SRGAP2C: variants seen among roughly 807,000 people sequenced by gnomAD.
The protein encoded by SRGAP2C is SLIT-ROBO Rho GTPase-activating protein 2C.
In SRGAP2C, 15 loss-of-function variants were observed where a neutral mutation model predicts 25.1. The ratio of observed to expected loss-of-function variants is 0.60; its 90% CI spans 0.40 to 0.92. The LOEUF is 0.92. Among genes scored for constraint, SRGAP2C ranks in the 40% least tolerant of loss-of-function variants. The probability of loss-of-function intolerance (pLI) is 0.00; values close to 1 mark genes in which losing one functional copy is unlikely to be tolerated. For missense variants in SRGAP2C, 144 were observed against 264.4 expected (o/e 0.54, Z 3.16); for synonymous variants, 44 against 96.6 (o/e 0.46, Z 3.19).
chr1:121,269,891 G>A lies in SRGAP2C; in HGVS notation c.68-14912G>A, dbSNP rs587733375. 6.1e-3 allele frequency among the ~76,000 whole-genome samples: 922 copies of A among 150,604 alleles called. 10 individuals carry two copies. Among genetic ancestry groups the A allele is most frequent in the African/African-American group, 0.021 (864 of 41,100 alleles). The stretch of plus-strand genomic sequence containing the variant: ...ATTGTCTGGAAGAATTAGGTAATTC[G>A]TGTTTTTAAACTTCCTTGCACTACT... On this transcript the variant is annotated intron_variant, in intron 2 of 9. Coordinates refer to ENST00000367123, the MANE Select transcript of SRGAP2C (RefSeq NM_001329984.2).
intron 2 of SRGAP2C, among the ~76,000 whole-genome samples, chr1:121,218,842 C>A (rs1655462289): frequency 6.6e-6 from 1 of 151,682 alleles, no homozygotes; most frequent in Non-Finnish European, 1.5e-5. Flanking sequence ...AAGTAGAGTT[C>A]AGTTGACTTT....
chr1:121,272,160 CAAAA>C (rs61711288), intron 2 of SRGAP2C, among the ~76,000 whole-genome samples: 1 of 9,194 alleles, frequency 1.1e-4, no homozygotes, highest in African/African-American at 5.2e-4. Context: ...GACTCCATCT[CAAAA>C]AAAAAAAAAA....
chr1:121,282,700 A>C (rs1476305628), intron 2 of SRGAP2C, among the ~76,000 whole-genome samples: 1 of 144,922 alleles, frequency 6.9e-6, no homozygotes, highest in African/African-American at 2.5e-5. Flanking sequence ...GACCACAGGC[A>C]CCTGCCACCA....
At chr1:121,377,948 G>T (rs1278094189) in intron 7 of SRGAP2C, among the ~76,000 whole-genome samples, 2 of 152,050 alleles carry the variant, frequency 1.3e-5, no homozygotes, top group African/African-American at 4.8e-5. Context: ...CTATGGGGAA[G>T]TGTGTGACAA....
intron 2 of SRGAP2C, among the ~76,000 whole-genome samples, chr1:121,212,128 T>C (rs1553323896): frequency 8.7e-6 from 1 of 115,236 alleles, no homozygotes; most frequent in East Asian, 2.8e-4. Context: ...GCTGTATTTT[T>C]TTTTTTTTTT....
At chr1:121,188,521 C>G (rs1182417680) in intron 2 of SRGAP2C, among the ~76,000 whole-genome samples, 1 of 146,526 alleles carries the variant, frequency 6.8e-6, no homozygotes, top group Non-Finnish European at 1.5e-5. Flanking sequence ...CCATTGAGAC[C>G]TTAGCTGGGG....
At chr1:121,379,466 A>C (rs1659758826) in intron 7 of SRGAP2C, among the ~76,000 whole-genome samples, 1 of 148,700 alleles carries the variant, frequency 6.7e-6, no homozygotes, top group Admixed American at 6.7e-5. Context: ...CTTTGTCCCC[A>C]CTGTGAGCAA....
intron 2 of SRGAP2C, among the ~76,000 whole-genome samples, chr1:121,263,452 T>C (rs1570746855): frequency 1.6e-5 from 2 of 128,630 alleles, no homozygotes; most frequent in Non-Finnish European, 3.5e-5. Context: ...AAAAAAAAAC[T>C]TCAGTGCTTT....
intron 4 of SRGAP2C, among the ~76,000 whole-genome samples, chr1:121,340,346 T>C (rs1450652620): frequency 3.8e-4 from 58 of 152,184 alleles, no homozygotes; most frequent in Admixed American, 1.6e-3. Flanking sequence ...GAAAACCACA[T>C]AGTCTACCTG....
rs1178599318 is a variant in SRGAP2C, at chr1:121,328,905, ACAAAAAAC to A, written c.423+4266_423+4273del. 1.2e-4 allele frequency among the ~76,000 whole-genome samples: 13 copies of A among 111,354 alleles called. No individual in the cohort carries two copies. In the South Asian group the frequency reaches 3.3e-3, roughly 29 times the overall value. 73.1% of individuals were successfully genotyped at this position (111,354 alleles called of 152,430 possible). A position where few individuals can be genotyped will look rare whatever the true frequency, so the allele number is the denominator to read the frequency against. On this transcript the variant is annotated intron_variant, in intron 4 of 9. Transcript: ENST00000367123. Reference sequence around the variant, plus strand: ...CTGTCTGTTTAAAAAAAAAAAAAAAACAAAAAACAAAAAACAAAACAGAGGGCTGGGAG... The same window carrying A: ...CTGTCTGTTTAAAAAAAAAAAAAAAAAAAAAACAAAACAGAGGGCTGGGAG...
At chr1:121,351,616 A>T (rs1570800850) in intron 4 of SRGAP2C, among the ~76,000 whole-genome samples, 1 of 137,310 alleles carries the variant, frequency 7.3e-6, no homozygotes, top group African/African-American at 2.9e-5. Flanking sequence ...TCTCAAAATA[A>T]ATAAATAAAT....
At chr1:121,337,612 A>G (rs1169142026) in intron 4 of SRGAP2C, among the ~76,000 whole-genome samples, 6 of 151,022 alleles carry the variant, frequency 4.0e-5, no homozygotes, top group Non-Finnish European at 7.4e-5. Context: ...AGCATGGGTG[A>G]CAGAGCAAAA....
At chr1:121,218,635 T>A (rs1655453980) in intron 2 of SRGAP2C, among the ~76,000 whole-genome samples, 1 of 148,864 alleles carries the variant, frequency 6.7e-6, no homozygotes, top group African/African-American at 2.6e-5. Context: ...TAATCCCAGC[T>A]ACTCGGGAGG....
chr1:121,255,488 T>C (rs587717987), intron 2 of SRGAP2C, among the ~76,000 whole-genome samples: 1 of 151,688 alleles, frequency 6.6e-6, no homozygotes, highest in Non-Finnish European at 1.5e-5. Context: ...TATTTTTTCC[T>C]AGATCCCAGA....
chr1:121,371,121 C>T lies in SRGAP2C; in HGVS notation c.487-2850C>T, dbSNP rs587739447. Among the ~76,000 whole-genome samples the T allele has an allele frequency of 1.5e-3, 227 of 148,566 alleles. 1 individual carries two copies. The highest frequency in any genetic ancestry group is 5.2e-3 in the African/African-American group (211 of 40,480). On this transcript the variant is annotated intron_variant, in intron 5 of 9. Coordinates refer to ENST00000367123, the MANE Select transcript of SRGAP2C (RefSeq NM_001329984.2). The stretch of plus-strand genomic sequence containing the variant: ...AGTTTTTCCCCATAGTTTGCATTTG[C>T]CTATCTATATATAGATAGAAGTATG...
rs1427099631 is a variant in SRGAP2C, at chr1:121,278,205, C to T, written c.68-6598C>T. Among the ~76,000 whole-genome samples, 23 of 152,044 alleles carry T rather than the reference C, an allele frequency of 1.5e-4. No individual in the cohort carries two copies. The East Asian group carries it at 4.3e-3, about 28-fold the overall frequency. ...CTAGTAATCGGCCCACCTCGGCTTC[C>T]CAAAGTCCTGGGATTACAGGGGTGA... On this transcript the variant is annotated intron_variant, in intron 2 of 9. Coordinates refer to ENST00000367123, the MANE Select transcript of SRGAP2C (RefSeq NM_001329984.2).
At chr1:121,188,221 C>T (rs587730331) in intron 2 of SRGAP2C, among the ~76,000 whole-genome samples, 23 of 152,248 alleles carry the variant, frequency 1.5e-4, no homozygotes, top group African/African-American at 5.5e-4. Context: ...TTGTTTAACC[C>T]TTCTGTGCTG....
rs1232710698 is a variant in SRGAP2C at position 121,391,244 on chromosome 1, C to A, written c.*3389C>A. On this transcript the variant is annotated 3_prime_UTR_variant, in exon 10 of 10. Transcript: ENST00000367123. ...GGCGTGGTGGCGCATGCCTCATTCA[C>A]GTACATGGGAGAGTCTACAAAGTCA... is the stretch of plus-strand genomic sequence containing the variant. 6.7e-6 allele frequency: 1 copy of A among 150,090 alleles called. No individual in the cohort carries two copies. The highest frequency in any genetic ancestry group is 1.5e-5 in the Non-Finnish European group (1 of 67,480). 9.3% of individuals were successfully genotyped at this position (150,090 alleles called of 1,614,324 possible). A position where few individuals can be genotyped will look rare whatever the true frequency, so the allele number is the denominator to read the frequency against.
chr1:121,346,792 A>G (rs1658755579), intron 4 of SRGAP2C, among the ~76,000 whole-genome samples: 1 of 151,660 alleles, frequency 6.6e-6, no homozygotes, highest in Non-Finnish European at 1.5e-5. Flanking sequence ...TGGAAGGAAT[A>G]GTTACATGTC....
Sources: allele counts gnomAD v4.1 joint callset (sites outside exome capture counted in the v4.1 genomes callset), GRCh38; gene constraint gnomAD v4.1.1; transcripts MANE v1.5; gene names NCBI Gene and HGNC (gene_info 2026-07-23, HGNC 2026-07-21).